HS6ST3: variants seen among roughly 807,000 people sequenced by gnomAD.
HS6ST3 encodes heparan sulfate 6-O-sulfotransferase 3, also known as heparan-sulfate 6-O-sulfotransferase 3.
In HS6ST3, 12 loss-of-function variants were observed where a neutral mutation model predicts 36.7. The observed-to-expected ratio is 0.33, with a 90% CI of 0.21 to 0.53. The LOEUF (loss-of-function observed/expected upper bound fraction) is 0.53, where lower values mean the gene tolerates loss of function less well. HS6ST3 is among the 20% of genes least tolerant of loss of function. The pLI is 0.95. For synonymous variants in HS6ST3, 240 were observed against 257.5 expected, an observed-to-expected ratio of 0.93 and a Z score of 0.65; for missense variants, 584 against 640.9, an observed-to-expected ratio of 0.91 and a Z score of 0.96.
intron 1 of HS6ST3, among the ~76,000 whole-genome samples, chr13:96,161,736 G>T (rs1247120926): frequency 6.6e-6 from 1 of 152,132 alleles, no homozygotes. Context: ...ATTCATATCT[G>T]TGCTAACAGA....
intron 1 of HS6ST3, among the ~76,000 whole-genome samples, chr13:96,797,944 C>G (rs555198353): frequency 1.3e-5 from 2 of 152,142 alleles, no homozygotes; most frequent in South Asian, 2.1e-4. Flanking sequence ...CACCACACTT[C>G]TGATGCAATT....
At chr13:96,290,801 C>T (rs192529804) in intron 1 of HS6ST3, among the ~76,000 whole-genome samples, 1 of 152,290 alleles carries the variant, frequency 6.6e-6, no homozygotes, top group Admixed American at 6.5e-5. Context: ...TGTAAAGGTC[C>T]ACCTGATGCA....
In HS6ST3 at chr13:96,744,867, A is replaced by G. The variant is rs1230920198; in HGVS notation, c.708-87623A>G. On this transcript the variant is annotated intron_variant, in intron 1 of 1. Transcript: ENST00000376705. ...CCATTTTTACCTGGGTTCTTTCTAC[A>G]TACTTGGGCTGTGTTTCACAATTCT... Among the ~76,000 whole-genome samples the G allele has an allele frequency of 2.6e-5, 4 of 152,240 alleles. No homozygotes were observed. The East Asian group carries it at 5.8e-4, about 22-fold the overall frequency.
At chr13:96,759,083 G>A (rs1876902974) in intron 1 of HS6ST3, among the ~76,000 whole-genome samples, 1 of 151,592 alleles carries the variant, frequency 6.6e-6, no homozygotes, top group African/African-American at 2.4e-5. Flanking sequence ...TTGTCTTGGA[G>A]TTTACTTTGT....
At chr13:96,481,287 T>C (rs1044080334) in intron 1 of HS6ST3, among the ~76,000 whole-genome samples, 1 of 152,164 alleles carries the variant, frequency 6.6e-6, no homozygotes, top group Non-Finnish European at 1.5e-5. Context: ...TTTTTAAAAA[T>C]GTGCTTGTTA....
At chr13:96,770,200 C>A (rs980707430) in intron 1 of HS6ST3, among the ~76,000 whole-genome samples, 1 of 152,150 alleles carries the variant, frequency 6.6e-6, no homozygotes, top group Non-Finnish European at 1.5e-5. Flanking sequence ...TATGTGTGTG[C>A]AGTTATTGGT....
intron 1 of HS6ST3, among the ~76,000 whole-genome samples, chr13:96,134,470 C>G (rs1355052947): frequency 2.0e-5 from 3 of 150,626 alleles, no homozygotes; most frequent in Non-Finnish European, 4.4e-5. Context: ...TATTTTTTAC[C>G]TATTTCCATT....
At chr13:96,461,761 G>A (rs981099509) in intron 1 of HS6ST3, among the ~76,000 whole-genome samples, 11 of 152,074 alleles carry the variant, frequency 7.2e-5, no homozygotes, top group African/African-American at 2.7e-4. Flanking sequence ...CTTGGGGAAC[G>A]GGTAATCTAT....
intron 1 of HS6ST3, among the ~76,000 whole-genome samples, chr13:96,378,886 ACT>A (rs1330021637): frequency 6.6e-6 from 1 of 152,060 alleles, no homozygotes; most frequent in Non-Finnish European, 1.5e-5. Context: ...ATAATCAGAA[ACT>A]CTCTCAGTTA....
At chr13:96,244,892 A>C (rs1272792782) in intron 1 of HS6ST3, among the ~76,000 whole-genome samples, 1 of 152,192 alleles carries the variant, frequency 6.6e-6, no homozygotes, top group Non-Finnish European at 1.5e-5. Context: ...TTTCTCTCTA[A>C]GATAGGTATA....
intron 1 of HS6ST3, among the ~76,000 whole-genome samples, chr13:96,693,999 C>G (rs1048519202): frequency 2.0e-5 from 3 of 152,034 alleles, no homozygotes; most frequent in Non-Finnish European, 4.4e-5. Flanking sequence ...CTTAGTTTCC[C>G]GTCTATAGTT....
intron 1 of HS6ST3, among the ~76,000 whole-genome samples, chr13:96,611,223 G>A (rs973310207): frequency 6.6e-6 from 1 of 151,306 alleles, no homozygotes; most frequent in African/African-American, 2.4e-5. Flanking sequence ...CCATGCTGGT[G>A]CGCTGCACCC....
intron 1 of HS6ST3, among the ~76,000 whole-genome samples, chr13:96,251,924 T>A (rs1333006686): frequency 6.6e-6 from 1 of 152,174 alleles, no homozygotes. Flanking sequence ...AAGATACTTG[T>A]TATAATTTTC....
At chr13:96,600,306 A>T (rs2056416667) in intron 1 of HS6ST3, among the ~76,000 whole-genome samples, 1 of 144,976 alleles carries the variant, frequency 6.9e-6, no homozygotes, top group South Asian at 2.2e-4. Flanking sequence ...TTGTTTTATG[A>T]ATTTGGGAGC....
At chr13:96,510,385 C>T (rs189326686) in intron 1 of HS6ST3, among the ~76,000 whole-genome samples, 193 of 152,210 alleles carry the variant, frequency 1.3e-3, no homozygotes, top group African/African-American at 4.2e-3. Flanking sequence ...CCTAATTGCT[C>T]TGGCTAGGAC....
intron 1 of HS6ST3, among the ~76,000 whole-genome samples, chr13:96,692,007 A>G (rs1874973680): frequency 6.6e-6 from 1 of 152,188 alleles, no homozygotes; most frequent in African/African-American, 2.4e-5. Flanking sequence ...CTTATACTCC[A>G]ACTGCCATAA....
rs76358213 is a variant in HS6ST3, at chr13:96,167,147, G to C, written c.707+75578G>C. On this transcript the variant is annotated intron_variant, in intron 1 of 1. Coordinates refer to ENST00000376705, the MANE Select transcript of HS6ST3 (RefSeq NM_153456.4). Reference sequence around the variant, plus strand: ...CAGGGGCAGTCTTTGAAGTTGCAAAGACTAGCGATCAGATCCCTGACACTT... The same window carrying C: ...CAGGGGCAGTCTTTGAAGTTGCAAACACTAGCGATCAGATCCCTGACACTT... Among the ~76,000 whole-genome samples, 886 of 152,214 alleles carry C rather than the reference G, an allele frequency of 5.8e-3. 9 individuals are homozygous for C. The highest frequency in any genetic ancestry group is 0.021 in the African/African-American group (856 of 41,536).
chr13:96,480,582 T>C (rs1314313328), intron 1 of HS6ST3, among the ~76,000 whole-genome samples: 1 of 152,198 alleles, frequency 6.6e-6, no homozygotes, highest in Non-Finnish European at 1.5e-5. Context: ...ATGCATGTCC[T>C]AGTACCTTTC....
At chr13:96,377,028 T>C (rs939683870) in intron 1 of HS6ST3, among the ~76,000 whole-genome samples, 7 of 148,914 alleles carry the variant, frequency 4.7e-5, no homozygotes, top group Non-Finnish European at 1.0e-4. Flanking sequence ...TTTTATTTTG[T>C]TTTTATGGAT....
Sources: allele counts gnomAD v4.1 joint callset (sites outside exome capture counted in the v4.1 genomes callset), GRCh38; gene constraint gnomAD v4.1.1; transcripts MANE v1.5; gene names NCBI Gene and HGNC (gene_info 2026-07-23, HGNC 2026-07-21).